The following DENND5B variants were observed in gnomAD, a reference collection of about 807,000 sequenced individuals.
DENND5B encodes DENN domain containing 5B.
Under a neutral mutation model 140.6 loss-of-function variants are expected in DENND5B, and 34 were observed. That is an observed-to-expected ratio of 0.24 (90% CI 0.18 to 0.32). DENND5B has a LOEUF of 0.32. Ranked by LOEUF, DENND5B falls within the 10% of genes least tolerant of loss-of-function variation. The probability of loss-of-function intolerance (pLI) is 1.00; values close to 1 mark genes in which losing one functional copy is unlikely to be tolerated. For synonymous variants in DENND5B, 551 were observed against 562.1 expected (o/e 0.98, Z 0.28); for missense variants, 1,142 against 1,560.2 (o/e 0.73, Z 4.52).
At chr12:31,587,525 C>A (rs1150958) in intron 1 of DENND5B, among the ~76,000 whole-genome samples, 9,000 of 130,532 alleles carry the variant, frequency 0.069, 599 homozygotes, top group African/African-American at 0.2. Context: ...ACCACAAATA[C>A]CTTTTTTTTT....
chr12:31,420,176 G>T, intron 11 of DENND5B: 1 of 598,344 alleles, frequency 1.7e-6, no homozygotes, highest in Non-Finnish European at 2.1e-6. Context: ...ACCCAAGCTA[G>T]AGTGCAGTGG....
At chr12:31,494,225 C>T (rs1791009731) in intron 2 of DENND5B, among the ~76,000 whole-genome samples, 1 of 142,868 alleles carries the variant, frequency 7.0e-6, no homozygotes, top group South Asian at 2.2e-4. Flanking sequence ...CCTACCTCTA[C>T]CTACCTACCT....
At chr12:31,568,809 C>T (rs1424151335) in intron 1 of DENND5B, among the ~76,000 whole-genome samples, 4 of 152,174 alleles carry the variant, frequency 2.6e-5, no homozygotes, top group Non-Finnish European at 5.9e-5. Flanking sequence ...TCCTCTTTGA[C>T]CTATAAACCA....
chr12:31,574,320 C>T (rs1385990404), intron 1 of DENND5B, among the ~76,000 whole-genome samples: 3 of 119,338 alleles, frequency 2.5e-5, no homozygotes, highest in African/African-American at 9.1e-5. Context: ...TGGCCAGGCG[C>T]GGTGGCTCCC....
chr12:31,539,315 G>A (rs913415888), intron 1 of DENND5B, among the ~76,000 whole-genome samples: 2 of 151,982 alleles, frequency 1.3e-5, no homozygotes, highest in Non-Finnish European at 2.9e-5. Flanking sequence ...TTTAAAGAAC[G>A]AATACCAATC....
At position 31,521,237 on chromosome 12, in the gene DENND5B, G is replaced by C. The variant is rs78630460; in HGVS notation, c.128-25318C>G. ...ATCAATGTTATATATAGTAAGTTCA[G>C]AGATAAGGCATTAGAATTCCACTGT... On this transcript the variant is annotated intron_variant, in intron 1 of 20. Coordinates refer to ENST00000389082, the MANE Select transcript of DENND5B (RefSeq NM_144973.4). Among the ~76,000 whole-genome samples the C allele has an allele frequency of 5.8e-3, 887 of 151,984 alleles. 4 individuals are homozygous for C. Among genetic ancestry groups the C allele is most frequent in the African/African-American group, 0.021 (854 of 41,440 alleles).
Position 31,387,685 on chromosome 12 carries a change from T to C in DENND5B, c.3743A>G (p.Asn1248Ser), listed in dbSNP as rs201506251. ...GGTCTGCAGAATTCGGATAAGGGAG[T>C]TGACAGTCATGCGGTCTCGCAGGAG... ...SALLRDRMTV[N>S]SLIRILQTIQ... The change falls in exon 21 of 21, where the codon AAC becomes AGC. Residue 1248 changes from asparagine to serine, a missense_variant. Asn to Ser is a conservative substitution (Grantham distance 46). Around this residue, in one of 5 missense-constraint regions of DENND5B, gnomAD observed 125 missense variants for 179.0 expected, o/e 0.70. Coordinates refer to ENST00000389082, the MANE Select transcript of DENND5B (RefSeq NM_144973.4). 5.5e-5 allele frequency: 89 copies of C among 1,613,840 alleles called. No homozygotes were observed. The highest frequency in any genetic ancestry group is 4.9e-4 in the Middle Eastern group (3 of 6,084).
At chr12:31,450,072 T>C (rs1944447528) in intron 5 of DENND5B, among the ~76,000 whole-genome samples, 1 of 152,126 alleles carries the variant, frequency 6.6e-6, no homozygotes, top group Non-Finnish European at 1.5e-5. Context: ...GTATGGAAAA[T>C]GGTTAAGACT....
At chr12:31,455,137 A>T (rs1944713016) in intron 4 of DENND5B, among the ~76,000 whole-genome samples, 1 of 152,084 alleles carries the variant, frequency 6.6e-6, no homozygotes, top group Non-Finnish European at 1.5e-5. Flanking sequence ...TATCTTTAAA[A>T]TGGAAGAAAA....
rs1197520055 is a variant in DENND5B, at chr12:31,445,865, C to T, written c.1861+1673G>A. 4.6e-5 allele frequency among the ~76,000 whole-genome samples: 7 copies of T among 151,696 alleles called. No individual in the cohort carries two copies. In the South Asian group the frequency reaches 6.3e-4, roughly 14 times the overall value. On this transcript the variant is annotated intron_variant, in intron 6 of 20. Transcript: ENST00000389082. ...TCTACAAAAAATACAAAAAATTACCCGAGGGTGGTGGCACATGCCTATAGT... is the reference window on the plus strand; with the variant it reads ...TCTACAAAAAATACAAAAAATTACCTGAGGGTGGTGGCACATGCCTATAGT...
chr12:31,574,207 G>A (rs1460278849), intron 1 of DENND5B, among the ~76,000 whole-genome samples: 1 of 151,032 alleles, frequency 6.6e-6, no homozygotes, highest in Non-Finnish European at 1.5e-5. Flanking sequence ...AGGCTGCAGT[G>A]AGCTGTGATC....
rs1418141502 is a variant in DENND5B, at chr12:31,410,356, T to TGG, written c.2682-973_2682-972insCC. Among the ~76,000 whole-genome samples the TGG allele has an allele frequency of 2.6e-5, 4 of 152,324 alleles. No homozygotes were observed. In the East Asian group the frequency reaches 7.7e-4, roughly 29 times the overall value. On this transcript the variant is annotated intron_variant, in intron 13 of 20. Transcript: ENST00000389082. Reference sequence around the variant, plus strand: ...GTTTTATAGGTATTAATACATTTAATTCTCACTCTATGAGGTAAGTCTATT... The same window carrying TGG: ...GTTTTATAGGTATTAATACATTTAATGGTCTCACTCTATGAGGTAAGTCTATT...
At chr12:31,529,745 AAAG>A (rs1948215722) in intron 1 of DENND5B, among the ~76,000 whole-genome samples, 2 of 151,682 alleles carry the variant, frequency 1.3e-5, no homozygotes, top group African/African-American at 4.8e-5. Flanking sequence ...TTTTTTTAAA[AAAG>A]AAAACATCCT....
Position 31,400,937 on chromosome 12 carries a change from G to T in DENND5B, c.2950-1165C>A, listed in dbSNP as rs192191536. 7.8e-3 allele frequency among the ~76,000 whole-genome samples: 1,189 copies of T among 151,598 alleles called. 12 individuals are homozygous for T. Among genetic ancestry groups the T allele is most frequent in the African/African-American group, 0.028 (1,137 of 41,330 alleles). On this transcript the variant is annotated intron_variant, in intron 15 of 20. Coordinates refer to ENST00000389082, the MANE Select transcript of DENND5B (RefSeq NM_144973.4). ...CGCTCACCACAACCTCCGCCTCCCGGATTCAAGCGATTCTCCTGCCTCAGC... is the reference window on the plus strand; with the variant it reads ...CGCTCACCACAACCTCCGCCTCCCGTATTCAAGCGATTCTCCTGCCTCAGC...
At chr12:31,485,684 T>G (rs1946272975) in intron 2 of DENND5B, among the ~76,000 whole-genome samples, 1 of 151,776 alleles carries the variant, frequency 6.6e-6, no homozygotes, top group Non-Finnish European at 1.5e-5. Context: ...CAGTGACAAG[T>G]GACAGAGTGA....
At chr12:31,587,519 C>A (rs1229304040) in intron 1 of DENND5B, among the ~76,000 whole-genome samples, 1 of 136,816 alleles carries the variant, frequency 7.3e-6, no homozygotes, top group Non-Finnish European at 1.6e-5. Flanking sequence ...TCTCTCACCA[C>A]AAATACCTTT....
At chr12:31,538,722 A>G (rs1206025427) in intron 1 of DENND5B, among the ~76,000 whole-genome samples, 2 of 152,070 alleles carry the variant, frequency 1.3e-5, no homozygotes, top group Non-Finnish European at 2.9e-5. Context: ...CAAAAAAATT[A>G]GCCGGGCATG....
At chr12:31,470,365 C>T (rs534433679) in intron 3 of DENND5B, among the ~76,000 whole-genome samples, 2 of 152,152 alleles carry the variant, frequency 1.3e-5, no homozygotes, top group East Asian at 1.9e-4. Flanking sequence ...CCACCCACCT[C>T]GGCCTCCCAA....
At chr12:31,574,267 A>AATAATAATAAT (rs1555175967) in intron 1 of DENND5B, among the ~76,000 whole-genome samples, 13 of 89,720 alleles carry the variant, frequency 1.4e-4, no homozygotes, top group Non-Finnish European at 2.4e-4. Flanking sequence ...TGTCTCTAAA[A>AATAATAATAAT]AATAATAATA....
Sources: allele counts gnomAD v4.1 joint callset (sites outside exome capture counted in the v4.1 genomes callset), GRCh38; gene constraint gnomAD v4.1.1; regional missense constraint gnomAD v4.1.1; transcripts MANE v1.5; gene names NCBI Gene and HGNC (gene_info 2026-07-23, HGNC 2026-07-21).